The following ALDH18A1 variants were observed in gnomAD, a reference collection of about 807,000 sequenced individuals.
The protein encoded by ALDH18A1 is delta-1-pyrroline-5-carboxylate synthase.
In ALDH18A1, 44 loss-of-function variants were observed where a neutral mutation model predicts 88.8. That is an observed-to-expected ratio of 0.50 (90% CI 0.39 to 0.64). ALDH18A1 has a LOEUF of 0.64. Among genes scored for constraint, ALDH18A1 ranks in the 30% least tolerant of loss-of-function variants. ALDH18A1 has a pLI of 0.00. For synonymous variants in ALDH18A1, 331 were observed against 372.1 expected, an observed-to-expected ratio of 0.89 and a Z score of 1.27; for missense variants, 782 against 1,009.5, an observed-to-expected ratio of 0.77 and a Z score of 3.05.
intron 3 of ALDH18A1, among the ~76,000 whole-genome samples, chr10:95,642,217 A>C (rs1434069288): frequency 6.6e-6 from 1 of 152,160 alleles, no homozygotes; most frequent in Non-Finnish European, 1.5e-5. Context: ...TTGTAAATGA[A>C]ATTTTATCAG....
chr10:95,627,584 CA>C lies in ALDH18A1; in HGVS notation c.935del (p.Val312GlyfsTer45). ...CTTGCAAAGCCCAGAGGGCTGCTTT[CA>C]CCTAATGAGACAGGTTAGATCCAGT... The part of the protein sequence containing the change: ...RVGMGGMEAK[V>X]KAALWALQGG... On this transcript the variant is annotated frameshift_variant and splice_region_variant, in exon 9 of 18. Coordinates refer to ENST00000371224, the MANE Select transcript of ALDH18A1 (RefSeq NM_002860.4). LOFTEE classifies it high-confidence loss of function. The C allele has an allele frequency of 6.2e-7, 1 of 1,614,074 alleles. No homozygotes were observed. Among genetic ancestry groups the C allele is most frequent in the Non-Finnish European group, 8.5e-7 (1 of 1,179,930 alleles).
At chr10:95,614,888 T>C (rs2097841657) in intron 13 of ALDH18A1, among the ~76,000 whole-genome samples, 1 of 152,186 alleles carries the variant, frequency 6.6e-6, no homozygotes, top group African/African-American at 2.4e-5. Flanking sequence ...TGAACTGTAG[T>C]ATATGCAGGT....
chr10:95,611,347 T>A lies in ALDH18A1; in HGVS notation c.2019A>T (p.Leu673Phe). ...GAACGTTGTCCACTACTTCAATGCA[T>A]AATTCCAGGTCCCCATACTCAGTTC... Reference protein sequence around the residue: ...SLRTEYGDLELCIEVVDNVQD... With the variant: ...SLRTEYGDLEFCIEVVDNVQD... The change falls in exon 16 of 18, where the codon TTA (leucine) becomes TTT (phenylalanine). Residue 673 changes from leucine to phenylalanine, a missense_variant. By Grantham distance (22) the Leu-to-Phe change is conservative. Around this residue, in one of 3 missense-constraint regions of ALDH18A1, gnomAD observed 556 missense variants for 654.5 expected, o/e 0.85. Transcript: ENST00000371224. 1 of 1,614,230 alleles carries A rather than the reference T, an allele frequency of 6.2e-7. No homozygotes were observed. Among genetic ancestry groups the A allele is most frequent in the Non-Finnish European group, 8.5e-7 (1 of 1,180,038 alleles).
chr10:95,646,290 C>T (rs994242448), intron 2 of ALDH18A1, among the ~76,000 whole-genome samples: 8 of 152,164 alleles, frequency 5.3e-5, no homozygotes, highest in Admixed American at 2.6e-4. Context: ...AGAAGCCAAT[C>T]AGAATCCAGC....
intron 13 of ALDH18A1, among the ~76,000 whole-genome samples, chr10:95,615,490 CAT>C (rs373031808): frequency 6.6e-6 from 1 of 152,136 alleles, no homozygotes; most frequent in East Asian, 1.9e-4. Context: ...GGTGGTTATA[CAT>C]GTGTGTGTGT....
At chr10:95,655,681 AGTGT>A (rs3838754) in intron 1 of ALDH18A1, among the ~76,000 whole-genome samples, 90,557 of 150,104 alleles carry the variant, frequency 0.6, 27,918 homozygotes, top group Middle Eastern at 0.71. Context: ...GAGCAAAGAG[AGTGT>A]GTGTGTGTGT....
Position 95,606,553 on chromosome 10 carries a change from T to C in ALDH18A1, c.*209A>G. On this transcript the variant is annotated 3_prime_UTR_variant, in exon 18 of 18. Transcript: ENST00000371224. The stretch of plus-strand genomic sequence containing the variant: ...GTCCCTATCGGTAGCAACTATTTTC[T>C]TACTTTAAAAAAAAAGGGTGAGCTG... 1 of 1,449,146 alleles carries C rather than the reference T, an allele frequency of 6.9e-7. No homozygotes were observed. Among genetic ancestry groups the C allele is most frequent in the Non-Finnish European group, 9.0e-7 (1 of 1,107,286 alleles). The allele number at this position is 1,449,146 out of a possible 1,614,324, so 89.8% of individuals were successfully genotyped here. A position where few individuals can be genotyped will look rare whatever the true frequency, so the allele number is the denominator to read the frequency against.
chr10:95,651,423 CTG>C (rs200220056), intron 2 of ALDH18A1, among the ~76,000 whole-genome samples: 15,407 of 152,154 alleles, frequency 0.1, 919 homozygotes, highest in Middle Eastern at 0.2. Context: ...TCTTATAAAA[CTG>C]TGTTAGGCCA....
At chr10:95,644,161 G>A (rs1053073976) in intron 2 of ALDH18A1, among the ~76,000 whole-genome samples, 35 of 152,058 alleles carry the variant, frequency 2.3e-4, no homozygotes, top group Admixed American at 2.0e-3. Flanking sequence ...AAAAAAAGAG[G>A]GAAGAGCCTG....
At chr10:95,642,532 T>C (rs2097893739) in intron 3 of ALDH18A1, among the ~76,000 whole-genome samples, 2 of 152,192 alleles carry the variant, frequency 1.3e-5, no homozygotes, top group Non-Finnish European at 2.9e-5. Flanking sequence ...GGAGTATCAC[T>C]TGAGCTCGAT....
Position 95,606,534 on chromosome 10 carries a change from A to G in ALDH18A1, c.*228T>C, listed in dbSNP as rs2097822986. ...GATAATTGGACTTGGCAAAGTCCCT[A>G]TCGGTAGCAACTATTTTCTTACTTT... On this transcript the variant is annotated 3_prime_UTR_variant, in exon 18 of 18. Transcript: ENST00000371224. 1.4e-6 allele frequency: 2 copies of G among 1,394,770 alleles called. No individual in the cohort carries two copies. Among genetic ancestry groups the G allele is most frequent in the African/African-American group, 1.5e-5 (1 of 68,862 alleles). The allele number at this position is 1,394,770 out of a possible 1,614,324, so 86.4% of individuals were successfully genotyped here.
intron 2 of ALDH18A1, among the ~76,000 whole-genome samples, chr10:95,647,742 A>G (rs1203839221): frequency 6.6e-6 from 1 of 152,238 alleles, no homozygotes; most frequent in East Asian, 1.9e-4. Context: ...CACTCAGTCT[A>G]TTAGTATCAG....
At chr10:95,620,595 T>A (rs1463508849) in intron 12 of ALDH18A1, among the ~76,000 whole-genome samples, 1 of 152,182 alleles carries the variant, frequency 6.6e-6, no homozygotes, top group Non-Finnish European at 1.5e-5. Flanking sequence ...TGGAATACTA[T>A]GCAGCCATAA....
At chr10:95,648,465 G>A (rs1275855161) in intron 2 of ALDH18A1, among the ~76,000 whole-genome samples, 1 of 152,070 alleles carries the variant, frequency 6.6e-6, no homozygotes, top group Non-Finnish European at 1.5e-5. Context: ...GATGCTCAGA[G>A]TAACTGAGTA....
intron 11 of ALDH18A1, among the ~76,000 whole-genome samples, 172 bp from the exon 12 acceptor site, chr10:95,621,423 G>A (rs970590757): frequency 1.3e-5 from 2 of 151,174 alleles, no homozygotes; most frequent in African/African-American, 4.9e-5. Flanking sequence ...GGGTTCAAGC[G>A]ATTCTCCCAC....
intron 16 of ALDH18A1, among the ~76,000 whole-genome samples, chr10:95,610,802 T>G (rs969981709): frequency 2.0e-5 from 3 of 152,180 alleles, no homozygotes; most frequent in African/African-American, 7.2e-5. Context: ...CCTAATTAGC[T>G]GACTGTAAAT....
chr10:95,606,215 C>A lies in ALDH18A1; in HGVS notation c.*547G>T, dbSNP rs2097822358. ...CATCTGGAATGCTTATTAATTTACC[C>A]CACAAATAAATACAAAAGGTCAATC... On this transcript the variant is annotated 3_prime_UTR_variant, in exon 18 of 18. Transcript: ENST00000371224. 1.0e-6 allele frequency: 1 copy of A among 984,092 alleles called. No individual in the cohort carries two copies. The highest frequency in any genetic ancestry group is 5.5e-5 in the Admixed American group (1 of 18,146). The allele number at this position is 984,092 out of a possible 1,614,324, so 61.0% of individuals were successfully genotyped here.
At chr10:95,653,700 A>C (rs1413442482) in intron 1 of ALDH18A1, among the ~76,000 whole-genome samples, 1 of 152,236 alleles carries the variant, frequency 6.6e-6, no homozygotes, top group East Asian at 1.9e-4. Context: ...ATTTAAAAAA[A>C]ATCTTTCAGG....
At chr10:95,613,270 T>C (rs550188097) in intron 15 of ALDH18A1, among the ~76,000 whole-genome samples, 13 of 152,328 alleles carry the variant, frequency 8.5e-5, no homozygotes, top group African/African-American at 3.1e-4. Flanking sequence ...AGGGAGACAT[T>C]CTACAAATTA....
Sources: gnomAD v4.1 joint callset for allele counts (sites outside exome capture counted in the v4.1 genomes callset) on GRCh38, gnomAD v4.1.1 for gene constraint, gnomAD v4.1.1 regional missense constraint, MANE v1.5 for transcripts, NCBI Gene and HGNC (gene_info 2026-07-23, HGNC 2026-07-21) for gene names.